The following TLE1 variants were observed in gnomAD, a reference collection of about 807,000 sequenced individuals.
TLE1 encodes TLE family member 1, transcriptional corepressor.
TLE1 carries 21 observed loss-of-function variants against 89.8 expected under a neutral mutation model. The ratio of observed to expected loss-of-function variants is 0.23; its 90% CI spans 0.17 to 0.34. The LOEUF is 0.34. TLE1 is among the 10% of genes least tolerant of loss of function. The pLI is 1.00. For synonymous variants in TLE1, 447 were observed against 407.6 expected, an observed-to-expected ratio of 1.10 and a Z score of -1.16; for missense variants, 795 against 1,031.2, an observed-to-expected ratio of 0.77 and a Z score of 3.14.
rs756768176 is a variant in TLE1, at chr9:81,687,301, G to T, written c.125+33C>A. ...GGGTGCAAGGGGCACCGGGACGCCC[G>T]CGACCACTCGCATGGCGCGGCCGGA... On this transcript the variant is annotated intron_variant, in intron 2 of 19. Coordinates refer to ENST00000376499, the MANE Select transcript of TLE1 (RefSeq NM_005077.5). The T allele has an allele frequency of 8.3e-6, 13 of 1,573,574 alleles. No homozygotes were observed. The Admixed American group carries it at 1.7e-4, about 20-fold the overall frequency.
intron 6 of TLE1, among the ~76,000 whole-genome samples, chr9:81,640,845 T>C (rs1828019970): frequency 6.6e-6 from 1 of 152,192 alleles, no homozygotes; most frequent in African/African-American, 2.4e-5. Flanking sequence ...GGACACCCAG[T>C]ATGAAAACAC....
chr9:81,631,945 A>G (rs1034483204), intron 8 of TLE1, among the ~76,000 whole-genome samples: 1 of 152,178 alleles, frequency 6.6e-6, no homozygotes, highest in Non-Finnish European at 1.5e-5. Flanking sequence ...TGTACTAAAA[A>G]TACAAAATTA....
At chr9:81,630,752 TTAAA>T (rs1361276946) in intron 8 of TLE1, among the ~76,000 whole-genome samples, 1 of 152,230 alleles carries the variant, frequency 6.6e-6, no homozygotes, top group Non-Finnish European at 1.5e-5. Context: ...AACCACTTTA[TTAAA>T]TAGATAAGTA....
chr9:81,656,263 A>G (rs1240502656), intron 4 of TLE1, among the ~76,000 whole-genome samples: 3 of 151,924 alleles, frequency 2.0e-5, no homozygotes, highest in Non-Finnish European at 4.4e-5. Context: ...AAGCATGGGC[A>G]AGGCTTTCCT....
chr9:81,585,163 A>G (rs1451369986), intron 18 of TLE1, among the ~76,000 whole-genome samples: 3 of 152,116 alleles, frequency 2.0e-5, no homozygotes, highest in Non-Finnish European at 4.4e-5. Flanking sequence ...CATCATGGCC[A>G]GCTCATAATG....
At chr9:81,608,829 C>T (rs1158822037) in intron 14 of TLE1, among the ~76,000 whole-genome samples, 3 of 151,780 alleles carry the variant, frequency 2.0e-5, no homozygotes, top group African/African-American at 7.3e-5. Flanking sequence ...CCCAGCTACT[C>T]GAGAGGCTGA....
intron 17 of TLE1, among the ~76,000 whole-genome samples, chr9:81,587,428 CAT>C (rs1828664974): frequency 6.6e-6 from 1 of 152,178 alleles, no homozygotes; most frequent in Non-Finnish European, 1.5e-5. Context: ...TAAACAAACT[CAT>C]ATGTAAATAT....
At chr9:81,661,150 A>T (rs916931504) in intron 4 of TLE1, among the ~76,000 whole-genome samples, 1 of 145,468 alleles carries the variant, frequency 6.9e-6, no homozygotes, top group Admixed American at 7.1e-5. Context: ...AAAATAAATA[A>T]AAATAAAAAA....
intron 17 of TLE1, 67 bp from the exon 18 acceptor site, chr9:81,585,722 T>C (rs1402283862): frequency 1.3e-6 from 2 of 1,571,062 alleles, no homozygotes; most frequent in African/African-American, 1.3e-5. Context: ...AGACGCAATG[T>C]GAAAAGTGGG....
In TLE1 at chr9:81,637,378, TGGGTAGTAG is replaced by T. The variant is rs1486115147; in HGVS notation, c.373-3086_373-3078del. 3.9e-5 allele frequency among the ~76,000 whole-genome samples: 6 copies of T among 152,216 alleles called. No homozygotes were observed. The East Asian group carries it at 1.2e-3, about 29-fold the overall frequency. On this transcript the variant is annotated intron_variant, in intron 6 of 19. Transcript: ENST00000376499. ...AGTCTCCAAAAGAAAAAAGATGAAC[TGGGTAGTAG>T]ATTCTGATATCTTACTGTGAAGAGG...
chr9:81,596,789 G>A (rs754288818), intron 14 of TLE1, among the ~76,000 whole-genome samples: 2 of 152,174 alleles, frequency 1.3e-5, no homozygotes, highest in Non-Finnish European at 2.9e-5. Flanking sequence ...AAGGGGCATG[G>A]GAGGGGTTTC....
In TLE1 at chr9:81,589,238, G is replaced by A. The variant is rs183207189; in HGVS notation, c.1830-1410C>T. Reference sequence around the variant, plus strand: ...TTTTGACCTTTCTAACTCATGAAACGCTGTTCCTCCTTGACTGAAAACACC... The same window carrying A: ...TTTTGACCTTTCTAACTCATGAAACACTGTTCCTCCTTGACTGAAAACACC... On this transcript the variant is annotated intron_variant, in intron 16 of 19. Transcript: ENST00000376499. Among the ~76,000 whole-genome samples, 5 of 152,220 alleles carry A rather than the reference G, an allele frequency of 3.3e-5. No homozygotes were observed. The East Asian group carries it at 7.7e-4, about 24-fold the overall frequency.
intron 16 of TLE1, among the ~76,000 whole-genome samples, chr9:81,588,402 A>C (rs771145941): frequency 2.0e-5 from 3 of 152,118 alleles, no homozygotes; most frequent in Non-Finnish European, 2.9e-5. Flanking sequence ...TGTTAGAAAG[A>C]GCCCTGCATT....
At position 81,610,286 on chromosome 9, in the gene TLE1, T is replaced by G; in HGVS notation, c.1265A>C (p.Asp422Ala). 6.2e-7 allele frequency: 1 copy of G among 1,613,730 alleles called. No individual in the cohort carries two copies. The highest frequency in any genetic ancestry group is 8.5e-7 in the Non-Finnish European group (1 of 1,179,928). ...AGGTACTCTCATGTGAGGGGGAGGATCAAACCCCACCTGGAAACAAAAATA... is the reference window on the plus strand; with the variant it reads ...AGGTACTCTCATGTGAGGGGGAGGAGCAAACCCCACCTGGAAACAAAAATA... Reference protein sequence around the residue: ...AYGRSPMVGFDPPPHMRVPTI... With the variant: ...AYGRSPMVGFAPPPHMRVPTI... Residue 422 changes from aspartate to alanine, a missense_variant, in exon 14 of 20, where the codon GAT becomes GCT. By Grantham distance (126) the Asp-to-Ala change is moderately radical. Around this residue, in one of 4 missense-constraint regions of TLE1, gnomAD observed 468 missense variants for 509.1 expected, o/e 0.92. Coordinates refer to ENST00000376499, the MANE Select transcript of TLE1 (RefSeq NM_005077.5).
rs1834408703 is a variant in TLE1 at position 81,687,242 on chromosome 9, A to T, written c.125+92T>A. On this transcript the variant is annotated intron_variant, in intron 2 of 19. Transcript: ENST00000376499. ...ACTCCACACGCCACCGCCTGGACGCAAGAACTAAGTACAGGCGCCGCCGCC... is the reference window on the plus strand; with the variant it reads ...ACTCCACACGCCACCGCCTGGACGCTAGAACTAAGTACAGGCGCCGCCGCC... 2.2e-5 allele frequency: 23 copies of T among 1,046,232 alleles called. No individual in the cohort carries two copies. In the South Asian group the frequency reaches 3.3e-4, roughly 15 times the overall value. The allele number at this position is 1,046,232 out of a possible 1,614,324, so 64.8% of individuals were successfully genotyped here. A position where few individuals can be genotyped will look rare whatever the true frequency, so the allele number is the denominator to read the frequency against.
chr9:81,643,505 G>C (rs1828432339), intron 6 of TLE1, among the ~76,000 whole-genome samples: 1 of 152,036 alleles, frequency 6.6e-6, no homozygotes, highest in South Asian at 2.1e-4. Flanking sequence ...CAAAGTGCTG[G>C]GATTACAGGC....
intron 4 of TLE1, among the ~76,000 whole-genome samples, chr9:81,678,733 T>C (rs1833217467): frequency 6.6e-6 from 1 of 152,050 alleles, no homozygotes; most frequent in Admixed American, 6.6e-5. Flanking sequence ...GGGAACTGCT[T>C]GAACCTACAT....
Position 81,652,209 on chromosome 9 carries a change from C to G in TLE1, c.372+5G>C. ...TGTAGGAGGTAGACCTGGTAGGCCA[C>G]GTACCCCGATGATGGCATTCAATTC... is the stretch of plus-strand genomic sequence containing the variant. On this transcript the variant is annotated splice_donor_5th_base_variant and intron_variant, in intron 6 of 19. Transcript: ENST00000376499. 6.2e-7 allele frequency: 1 copy of G among 1,613,618 alleles called. No individual in the cohort carries two copies. Among genetic ancestry groups the G allele is most frequent in the Non-Finnish European group, 8.5e-7 (1 of 1,179,818 alleles).
At chr9:81,652,891 G>T (rs986575073) in intron 5 of TLE1, among the ~76,000 whole-genome samples, 1 of 151,990 alleles carries the variant, frequency 6.6e-6, no homozygotes, top group African/African-American at 2.4e-5. Context: ...AGTCATTTTC[G>T]GAAACTCCTG....
Sources: allele counts gnomAD v4.1 joint callset (sites outside exome capture counted in the v4.1 genomes callset), GRCh38; gene constraint gnomAD v4.1.1; regional missense constraint gnomAD v4.1.1; transcripts MANE v1.5; gene names NCBI Gene and HGNC (gene_info 2026-07-23, HGNC 2026-07-21).